SPMIP7: variants seen among roughly 807,000 people sequenced by gnomAD.
The protein encoded by SPMIP7 is protein SPMIP7.
chr7:50,116,817 A>G, the SPMIP7 span, among the ~76,000 whole-genome samples: 2 of 152,214 alleles, frequency 1.3e-5, no homozygotes, highest in Non-Finnish European at 2.9e-5. Context: ...GAAAAATTCA[A>G]TATCCTTTTA....
At chr7:50,126,754 A>C in the SPMIP7 span, among the ~76,000 whole-genome samples, 1 of 152,202 alleles carries the variant, frequency 6.6e-6, no homozygotes, top group Non-Finnish European at 1.5e-5. Context: ...TAACATACTA[A>C]TGGAGTAAAA....
At chr7:50,129,653 T>C in the SPMIP7 span, 1 of 1,113,222 alleles carries the variant, frequency 9.0e-7, no homozygotes, top group Non-Finnish European at 1.3e-6. Flanking sequence ...ACATGATGAC[T>C]AGAAAACAAT....
chr7:50,109,533 G>A, the SPMIP7 span, among the ~76,000 whole-genome samples: 4 of 151,894 alleles, frequency 2.6e-5, no homozygotes, highest in Non-Finnish European at 5.9e-5. Context: ...GTGCCACCAC[G>A]CCTGGCTATG....
the SPMIP7 span, among the ~76,000 whole-genome samples, chr7:50,114,323 G>T: frequency 6.6e-6 from 1 of 152,070 alleles, no homozygotes; most frequent in Non-Finnish European, 1.5e-5. Flanking sequence ...TGTGTTTCAG[G>T]TTTATAGCAT....
the SPMIP7 span, among the ~76,000 whole-genome samples, chr7:50,145,309 C>T: frequency 6.6e-6 from 1 of 151,008 alleles, no homozygotes; most frequent in Admixed American, 6.6e-5. Context: ...TGTTTTTATC[C>T]TCTTCAGTAT....
the SPMIP7 span, among the ~76,000 whole-genome samples, chr7:50,143,880 C>G: frequency 6.6e-6 from 1 of 152,166 alleles, no homozygotes; most frequent in African/African-American, 2.4e-5. Flanking sequence ...TATAACATTA[C>G]CACATAATTA....
the SPMIP7 span, among the ~76,000 whole-genome samples, chr7:50,135,460 C>T: frequency 2.6e-5 from 4 of 152,106 alleles, no homozygotes; most frequent in South Asian, 4.1e-4. Context: ...ATTTATTCAG[C>T]TTTTACAGAG....
At chr7:50,134,405 C>A in the SPMIP7 span, among the ~76,000 whole-genome samples, 4 of 152,012 alleles carry the variant, frequency 2.6e-5, no homozygotes, top group Non-Finnish European at 5.9e-5. Context: ...CACACACACA[C>A]GTATGGAGTT....
the SPMIP7 span, among the ~76,000 whole-genome samples, chr7:50,145,597 T>C: frequency 3.6e-5 from 3 of 83,156 alleles, 1 homozygote; most frequent in Admixed American, 2.3e-4. Flanking sequence ...CGTGTGTGTG[T>C]GTGTGTGTGT....
At chr7:50,159,188 G>A in the SPMIP7 span, 1 of 1,549,570 alleles carries the variant, frequency 6.5e-7, no homozygotes. Context: ...GCCCTGCGCG[G>A]GCTGTCCAGG....
At chr7:50,141,291 C>T in the SPMIP7 span, 2 of 1,547,714 alleles carry the variant, frequency 1.3e-6, no homozygotes, top group Non-Finnish European at 1.7e-6. Context: ...TGGTCATGTG[C>T]AGTCTACAAA....
the SPMIP7 span, among the ~76,000 whole-genome samples, chr7:50,120,858 C>T: frequency 2.0e-5 from 3 of 152,196 alleles, no homozygotes; most frequent in Non-Finnish European, 4.4e-5. Context: ...CACTCCACCC[C>T]AAACACAGAC....
the SPMIP7 span, among the ~76,000 whole-genome samples, chr7:50,143,537 C>T: frequency 1.3e-4 from 20 of 152,236 alleles, no homozygotes; most frequent in African/African-American, 4.6e-4. Context: ...ATTGGAATCA[C>T]CAATTTTTCT....
the SPMIP7 span, among the ~76,000 whole-genome samples, chr7:50,152,402 A>C: frequency 6.6e-6 from 1 of 152,150 alleles, no homozygotes; most frequent in Non-Finnish European, 1.5e-5. Flanking sequence ...AGATTCCTTT[A>C]TTTGAAGCTA....
chr7:50,099,761 T>G, the SPMIP7 span, among the ~76,000 whole-genome samples: 1 of 152,162 alleles, frequency 6.6e-6, no homozygotes, highest in African/African-American at 2.4e-5. Context: ...ATAAGACAGA[T>G]GCTGTTTTTG....
the SPMIP7 span, chr7:50,096,209 C>A: frequency 3.0e-5 from 46 of 1,551,604 alleles, no homozygotes; most frequent in Admixed American, 9.8e-5. Flanking sequence ...AATGAACATG[C>A]CTTTTGTGAA....
At chr7:50,145,125 T>C in the SPMIP7 span, among the ~76,000 whole-genome samples, 1 of 151,692 alleles carries the variant, frequency 6.6e-6, no homozygotes, top group Admixed American at 6.6e-5. Context: ...TTGCCAGGCT[T>C]GGTGGTGAGC....
chr7:50,154,720 T>C, the SPMIP7 span, among the ~76,000 whole-genome samples: 2 of 152,246 alleles, frequency 1.3e-5, no homozygotes, highest in South Asian at 2.1e-4. Flanking sequence ...TTCATTTCCT[T>C]TGAGTGTATC....
At chr7:50,099,822 G>A in the SPMIP7 span, among the ~76,000 whole-genome samples, 2 of 152,098 alleles carry the variant, frequency 1.3e-5, no homozygotes, top group African/African-American at 4.8e-5. Flanking sequence ...GATCTATGGC[G>A]ACTATCTCTA....
Sources: allele counts gnomAD v4.1 joint callset (sites outside exome capture counted in the v4.1 genomes callset), GRCh38; gene constraint gnomAD v4.1.1; transcripts MANE v1.5; gene names NCBI Gene and HGNC (gene_info 2026-07-23, HGNC 2026-07-21).